The following IL1RAPL1 variants were observed in gnomAD, a reference collection of about 807,000 sequenced individuals.
IL1RAPL1 encodes the protein interleukin 1 receptor accessory protein like 1.
IL1RAPL1 carries 3 observed loss-of-function variants against 48.4 expected under a neutral mutation model. The ratio of observed to expected loss-of-function variants is 0.06; its 90% CI spans 0.03 to 0.16. IL1RAPL1 has a LOEUF of 0.16. Ranked by LOEUF, IL1RAPL1 falls within the 10% of genes least tolerant of loss-of-function variation. The probability of loss-of-function intolerance (pLI) is 1.00; values close to 1 mark genes in which losing one functional copy is unlikely to be tolerated. For missense variants in IL1RAPL1, 349 were observed against 530.6 expected, an observed-to-expected ratio of 0.66 and a Z score of 3.36; for synonymous variants, 185 against 187.7, an observed-to-expected ratio of 0.99 and a Z score of 0.12.
chrX:29,081,314 C>T (rs1273430701), intron 2 of IL1RAPL1, among the ~76,000 whole-genome samples: 1 of 108,959 alleles, frequency 9.2e-6, no homozygotes, highest in African/African-American at 3.4e-5. Flanking sequence ...CCTCGGCCCC[C>T]CAAAGTGCTA....
At chrX:29,208,384 A>T (rs189135486) in intron 2 of IL1RAPL1, among the ~76,000 whole-genome samples, 3 of 111,768 alleles carry the variant, frequency 2.7e-5, no homozygotes, top group African/African-American at 9.7e-5. Flanking sequence ...GAATCCATTG[A>T]CTTAGAATCA....
intron 6 of IL1RAPL1, among the ~76,000 whole-genome samples, chrX:29,889,942 TCATA>T (rs1386668202): frequency 9.0e-6 from 1 of 110,630 alleles, no homozygotes; most frequent in African/African-American, 3.3e-5. Flanking sequence ...TGATATACAT[TCATA>T]CATGTTGTGT....
At chrX:28,906,466 A>G (rs1923218855) in intron 2 of IL1RAPL1, among the ~76,000 whole-genome samples, 1 of 111,964 alleles carries the variant, frequency 8.9e-6, no homozygotes, top group African/African-American at 3.2e-5. Context: ...AACTTGGGCC[A>G]TGGTGAGAAA....
intron 1 of IL1RAPL1, among the ~76,000 whole-genome samples, chrX:28,750,693 A>G (rs1936032966): frequency 9.0e-6 from 1 of 111,419 alleles, no homozygotes; most frequent in South Asian, 3.7e-4. Flanking sequence ...TATTTTTAGG[A>G]CCCACACAAC....
chrX:29,383,748 G>A (rs1009257523), intron 3 of IL1RAPL1, among the ~76,000 whole-genome samples: 1 of 111,711 alleles, frequency 9.0e-6, no homozygotes, highest in Non-Finnish European at 1.9e-5. Flanking sequence ...TATTAAAATT[G>A]TATATAAAGG....
chrX:29,775,074 G>C (rs1158511873), intron 6 of IL1RAPL1, among the ~76,000 whole-genome samples: 1 of 112,028 alleles, frequency 8.9e-6, no homozygotes, highest in East Asian at 2.8e-4. Context: ...ATTAGGGAAA[G>C]ACAGGAGGCA....
intron 6 of IL1RAPL1, among the ~76,000 whole-genome samples, chrX:29,790,920 C>G (rs1464219478): frequency 8.9e-6 from 1 of 111,859 alleles, no homozygotes; most frequent in Non-Finnish European, 1.9e-5. Flanking sequence ...GTATATATAA[C>G]TGGACCTTGC....
chrX:29,098,051 C>T (rs1261940487), intron 2 of IL1RAPL1, among the ~76,000 whole-genome samples: 3 of 112,195 alleles, frequency 2.7e-5, no homozygotes, highest in South Asian at 3.7e-4. Context: ...CCAATTTTCT[C>T]GTTAATTACA....
At chrX:29,369,246 T>A (rs1288002111) in intron 3 of IL1RAPL1, 1 of 110,089 alleles carries the variant, frequency 9.1e-6, no homozygotes, top group Non-Finnish European at 1.9e-5. Flanking sequence ...CAGCAGCAGC[T>A]GCTGCTGGAT....
intron 5 of IL1RAPL1, among the ~76,000 whole-genome samples, chrX:29,409,192 T>G (rs938600515): frequency 8.9e-6 from 1 of 112,286 alleles, no homozygotes; most frequent in Non-Finnish European, 1.9e-5. Flanking sequence ...GGCAGATCTT[T>G]CCAGACTTTA....
At chrX:29,004,833 C>A (rs748983496) in intron 2 of IL1RAPL1, among the ~76,000 whole-genome samples, 1 of 111,237 alleles carries the variant, frequency 9.0e-6, no homozygotes, top group African/African-American at 3.3e-5. Flanking sequence ...TGCCCTCCAG[C>A]TGGGTGACAG....
At chrX:29,218,223 C>T (rs1043741679) in intron 2 of IL1RAPL1, among the ~76,000 whole-genome samples, 5 of 111,877 alleles carry the variant, frequency 4.5e-5, no homozygotes, top group Non-Finnish European at 7.5e-5. Context: ...TAAATATCAA[C>T]CTGGACACAT....
chrX:29,043,438 G>A (rs1036703078), intron 2 of IL1RAPL1, among the ~76,000 whole-genome samples: 8 of 110,076 alleles, frequency 7.3e-5, no homozygotes, highest in Non-Finnish European at 5.7e-5. Flanking sequence ...ATAATGACAC[G>A]TCATAAAGTC....
At chrX:28,614,638 C>T (rs1934191159) in intron 1 of IL1RAPL1, among the ~76,000 whole-genome samples, 1 of 111,037 alleles carries the variant, frequency 9.0e-6, no homozygotes, top group Admixed American at 9.6e-5. Flanking sequence ...CACATATGAC[C>T]TACACGACGA....
intron 6 of IL1RAPL1, 69 bp from the exon 7 acceptor site, chrX:29,917,395 C>T (rs1356355533): frequency 2.0e-5 from 19 of 959,589 alleles, no homozygotes; most frequent in Admixed American, 7.1e-5. Flanking sequence ...AAAATGTTAC[C>T]TGTCAGTTTG....
intron 2 of IL1RAPL1, among the ~76,000 whole-genome samples, chrX:28,805,438 C>T (rs1466799856): frequency 9.0e-6 from 1 of 111,283 alleles, no homozygotes; most frequent in East Asian, 2.8e-4. Context: ...TAAAAATCTG[C>T]GTTTGGGTCC....
chrX:29,364,855 A>G (rs181017317), intron 3 of IL1RAPL1, among the ~76,000 whole-genome samples: 119 of 111,231 alleles, frequency 1.1e-3, no homozygotes, highest in African/African-American at 3.7e-3. Flanking sequence ...CCTAGAACCA[A>G]TTCCCCACAG....
At chrX:29,920,736 G>A (rs1416891102) in intron 8 of IL1RAPL1, among the ~76,000 whole-genome samples, 5 of 101,018 alleles carry the variant, frequency 4.9e-5, no homozygotes, top group East Asian at 3.1e-4. Context: ...TGGAGGTTGC[G>A]GTTAGGCGAG....
intron 2 of IL1RAPL1, among the ~76,000 whole-genome samples, chrX:28,813,875 G>A (rs1177717027): frequency 9.0e-6 from 1 of 110,771 alleles, no homozygotes; most frequent in Non-Finnish European, 1.9e-5. Flanking sequence ...TGCCTTTCGA[G>A]CACTGCACAG....
Sources: gnomAD v4.1 joint callset for allele counts (sites outside exome capture counted in the v4.1 genomes callset) on GRCh38, gnomAD v4.1.1 for gene constraint, MANE v1.5 for transcripts, NCBI Gene and HGNC (gene_info 2026-07-23, HGNC 2026-07-21) for gene names.